ANKH: variants seen among roughly 807,000 people sequenced by gnomAD.
ANKH encodes the protein mineralization regulator ANKH.
In ANKH, 15 loss-of-function variants were observed where a neutral mutation model predicts 49.0. That is an observed-to-expected ratio of 0.31 (90% CI 0.20 to 0.47). The LOEUF (loss-of-function observed/expected upper bound fraction) is 0.47, where lower values mean the gene tolerates loss of function less well. ANKH is among the 20% of genes least tolerant of loss of function. ANKH has a pLI of 1.00. For synonymous variants in ANKH, 273 were observed against 260.0 expected, an observed-to-expected ratio of 1.05 and a Z score of -0.48; for missense variants, 429 against 652.0, an observed-to-expected ratio of 0.66 and a Z score of 3.72.
intron 1 of ANKH, chr5:14,870,850 C>T: frequency 5.8e-6 from 1 of 172,790 alleles, no homozygotes; most frequent in Non-Finnish European, 1.2e-5. Context: ...TGGTCAAGAC[C>T]GGCTTATCAG....
intron 1 of ANKH, chr5:14,870,758 GA>G (rs545521089): frequency 0.011 from 963 of 87,396 alleles, no homozygotes; most frequent in South Asian, 0.019. Flanking sequence ...AGTGGTCCAT[GA>G]AAAAAAAAAA....
At chr5:14,810,401 C>T (rs532767482) in intron 1 of ANKH, among the ~76,000 whole-genome samples, 17 of 152,214 alleles carry the variant, frequency 1.1e-4, no homozygotes, top group African/African-American at 3.9e-4. Context: ...TCAGGTGATC[C>T]GCCTGCCTCA....
At chr5:14,849,948 A>G (rs1206254772) in intron 1 of ANKH, among the ~76,000 whole-genome samples, 1 of 152,062 alleles carries the variant, frequency 6.6e-6, no homozygotes, top group Non-Finnish European at 1.5e-5. Flanking sequence ...CCTCCCTAGG[A>G]TGCACCCTCC....
intron 1 of ANKH, among the ~76,000 whole-genome samples, chr5:14,853,161 C>T (rs1210557815): frequency 6.6e-6 from 1 of 152,204 alleles, no homozygotes; most frequent in Non-Finnish European, 1.5e-5. Context: ...TCTTAAGGTG[C>T]AATTAATCAA....
intron 1 of ANKH, among the ~76,000 whole-genome samples, chr5:14,835,247 G>A (rs2126603297): frequency 6.6e-6 from 1 of 152,260 alleles, no homozygotes; most frequent in South Asian, 2.1e-4. Flanking sequence ...TAATTCTGTT[G>A]AGACTGAAAG....
rs35622899 is a variant in ANKH, at chr5:14,810,160, CT to C, written c.97-40970del. ...ACTATGAAAGCATAAAAACGATTGA[CT>C]TTTTTTTTTTTTTGAGACAGAGTTT... On this transcript the variant is annotated intron_variant, in intron 1 of 11. Transcript: ENST00000284268. Among the ~76,000 whole-genome samples, 279 of 144,306 alleles carry C rather than the reference CT, an allele frequency of 1.9e-3. 1 individual carries two copies. The highest frequency in any genetic ancestry group is 3.3e-3 in the African/African-American group (129 of 39,146). 94.7% of individuals were successfully genotyped at this position (144,306 alleles called of 152,430 possible).
intron 8 of ANKH, among the ~76,000 whole-genome samples, chr5:14,730,193 C>T (rs1375425156): frequency 6.6e-6 from 1 of 152,158 alleles, no homozygotes; most frequent in East Asian, 1.9e-4. Context: ...CAGCCTCCAA[C>T]CTAATCCCTT....
chr5:14,722,841 C>T (rs1013675771), intron 8 of ANKH, among the ~76,000 whole-genome samples: 2 of 151,976 alleles, frequency 1.3e-5, no homozygotes, highest in African/African-American at 4.8e-5. Flanking sequence ...CCCGTCCTGA[C>T]AGCAGAGGAA....
intron 1 of ANKH, among the ~76,000 whole-genome samples, chr5:14,803,494 G>T (rs1740622453): frequency 6.6e-6 from 1 of 152,038 alleles, no homozygotes; most frequent in Non-Finnish European, 1.5e-5. Flanking sequence ...TGGCCAGGCT[G>T]GTCTCAAACT....
At chr5:14,724,720 T>C (rs1737771180) in intron 8 of ANKH, 2 of 285,120 alleles carry the variant, frequency 7.0e-6, no homozygotes, top group Non-Finnish European at 1.1e-5. Context: ...GGAACCGGGA[T>C]ATGAAGCAGC....
chr5:14,848,793 C>T (rs922738666), intron 1 of ANKH, among the ~76,000 whole-genome samples: 4 of 152,216 alleles, frequency 2.6e-5, no homozygotes, highest in Admixed American at 1.3e-4. Flanking sequence ...CCCAAGGTTC[C>T]GTTCCTTGTA....
rs142529557 is a variant in ANKH, at chr5:14,731,951, G to A, written c.1011+9876C>T. The stretch of plus-strand genomic sequence containing the variant: ...GCCCAGGGAGCTGCGCGAGTGTCAC[G>A]TGAACAGGGGTCATGACGGGTCCCT... On this transcript the variant is annotated intron_variant, in intron 8 of 11. Coordinates refer to ENST00000284268, the MANE Select transcript of ANKH (RefSeq NM_054027.6). Among the ~76,000 whole-genome samples, 800 of 152,334 alleles carry A rather than the reference G, an allele frequency of 5.3e-3. 6 individuals carry two copies. Among genetic ancestry groups the A allele is most frequent in the African/African-American group, 0.018 (758 of 41,570 alleles).
intron 1 of ANKH, among the ~76,000 whole-genome samples, chr5:14,840,334 C>G (rs548775491): frequency 2.0e-4 from 30 of 152,324 alleles, no homozygotes; most frequent in African/African-American, 6.5e-4. Context: ...AGTATTCCAG[C>G]AGGGTAGAAG....
chr5:14,811,581 A>G (rs1740886215), intron 1 of ANKH, among the ~76,000 whole-genome samples: 2 of 152,344 alleles, frequency 1.3e-5, no homozygotes, highest in South Asian at 4.1e-4. Flanking sequence ...GTGTGATATG[A>G]AAATAACAAA....
intron 1 of ANKH, among the ~76,000 whole-genome samples, chr5:14,841,182 A>T (rs548358091): frequency 3.3e-5 from 5 of 152,324 alleles, no homozygotes; most frequent in African/African-American, 1.2e-4. Context: ...CAAAAGAAAA[A>T]ACTTAGGCCT....
chr5:14,729,043 T>TG (rs1016324672), intron 8 of ANKH, among the ~76,000 whole-genome samples: 1 of 151,880 alleles, frequency 6.6e-6, no homozygotes, highest in Non-Finnish European at 1.5e-5. Flanking sequence ...CCTGAAATGA[T>TG]GGGAAAAAAG....
intron 1 of ANKH, among the ~76,000 whole-genome samples, chr5:14,814,711 G>T (rs1170286235): frequency 6.6e-6 from 1 of 152,182 alleles, no homozygotes; most frequent in Non-Finnish European, 1.5e-5. Context: ...CCAGCACTAA[G>T]GTGTGTCTTA....
At chr5:14,821,664 C>G (rs908335485) in intron 1 of ANKH, among the ~76,000 whole-genome samples, 2 of 152,196 alleles carry the variant, frequency 1.3e-5, no homozygotes, top group African/African-American at 2.4e-5. Flanking sequence ...AAGCTTGATA[C>G]AGTAAAAACA....
At chr5:14,814,011 T>C (rs1305278757) in intron 1 of ANKH, among the ~76,000 whole-genome samples, 1 of 152,092 alleles carries the variant, frequency 6.6e-6, no homozygotes, top group East Asian at 1.9e-4. Flanking sequence ...GGCCAGACAC[T>C]CCTCCCTCCT....
Sources: gnomAD v4.1 joint callset for allele counts (sites outside exome capture counted in the v4.1 genomes callset) on GRCh38, gnomAD v4.1.1 for gene constraint, MANE v1.5 for transcripts, NCBI Gene and HGNC (gene_info 2026-07-23, HGNC 2026-07-21) for gene names.